Variants in GAREM1 observed in about 807,000 individuals in gnomAD.
GAREM1 encodes the protein GRB2-associated and regulator of MAPK protein 1.
GAREM1 carries 26 observed loss-of-function variants against 71.3 expected under a neutral mutation model. The observed-to-expected ratio is 0.36, with a 90% CI of 0.27 to 0.51. GAREM1 has a LOEUF of 0.51. Among genes scored for constraint, GAREM1 ranks in the 20% least tolerant of loss-of-function variants. The pLI is 0.95. For synonymous variants in GAREM1, 440 were observed against 433.2 expected (o/e 1.02, Z -0.20); for missense variants, 1,026 against 1,103.1 (o/e 0.93, Z 0.99).
intron 2 of GAREM1, among the ~76,000 whole-genome samples, chr18:32,384,189 G>A (rs953852978): frequency 6.6e-6 from 1 of 152,122 alleles, no homozygotes. Context: ...GGAGCAATCA[G>A]GTTTCCATAA....
At chr18:32,314,620 G>T (rs1317512729) in intron 2 of GAREM1, among the ~76,000 whole-genome samples, 6 of 147,458 alleles carry the variant, frequency 4.1e-5, no homozygotes, top group African/African-American at 1.5e-4. Flanking sequence ...ACGGAGTCTC[G>T]CTCTGTCTCC....
At chr18:32,311,405 A>G (rs923875681) in intron 2 of GAREM1, among the ~76,000 whole-genome samples, 4 of 152,236 alleles carry the variant, frequency 2.6e-5, no homozygotes, top group South Asian at 2.1e-4. Flanking sequence ...CTGGAGATCC[A>G]TCAATTAATG....
chr18:32,317,687 G>A (rs552806751), intron 2 of GAREM1, among the ~76,000 whole-genome samples: 8 of 146,688 alleles, frequency 5.5e-5, no homozygotes, highest in African/African-American at 1.5e-4. Context: ...CTTTTATTTC[G>A]CTGTTGCTTT....
intron 4 of GAREM1, among the ~76,000 whole-genome samples, chr18:32,277,305 G>A (rs1009400662): frequency 3.3e-5 from 5 of 152,170 alleles, no homozygotes; most frequent in East Asian, 1.9e-4. Context: ...GCCTGGGTAC[G>A]TATATGCATG....
chr18:32,379,229 G>A (rs915173735), intron 2 of GAREM1, among the ~76,000 whole-genome samples: 1 of 152,032 alleles, frequency 6.6e-6, no homozygotes, highest in Non-Finnish European at 1.5e-5. Context: ...TGTCTTAACT[G>A]CCACACTGCC....
intron 2 of GAREM1, among the ~76,000 whole-genome samples, chr18:32,312,702 C>T (rs1418763550): frequency 1.3e-5 from 2 of 152,174 alleles, no homozygotes; most frequent in Non-Finnish European, 2.9e-5. Flanking sequence ...AAGAAACAAG[C>T]ATGCTTGCAT....
rs116290934 is a variant in GAREM1 at position 32,373,152 on chromosome 18, G to A, written c.262+19743C>T. Among the ~76,000 whole-genome samples, 993 of 152,182 alleles carry A rather than the reference G, an allele frequency of 6.5e-3. 12 individuals carry two copies. Among genetic ancestry groups the A allele is most frequent in the African/African-American group, 0.02 (832 of 41,512 alleles). ...AATATCTAATTTTTTATTTTTAAATGGAGAATGAAAAACTAAATAGTCAAA... is the reference window on the plus strand; with the variant it reads ...AATATCTAATTTTTTATTTTTAAATAGAGAATGAAAAACTAAATAGTCAAA... On this transcript the variant is annotated intron_variant, in intron 2 of 5. Coordinates refer to ENST00000269209, the MANE Select transcript of GAREM1 (RefSeq NM_001242409.2).
intron 2 of GAREM1, among the ~76,000 whole-genome samples, chr18:32,375,737 G>C (rs2048024884): frequency 6.6e-6 from 1 of 152,114 alleles, no homozygotes; most frequent in East Asian, 1.9e-4. Context: ...AAAGACAATA[G>C]GATCTGCCTG....
At chr18:32,359,458 A>G (rs112216824) in intron 2 of GAREM1, among the ~76,000 whole-genome samples, 102 of 152,326 alleles carry the variant, frequency 6.7e-4, no homozygotes, top group African/African-American at 2.2e-3. Context: ...AATTCAGTTT[A>G]TACTATACAG....
intron 1 of GAREM1, among the ~76,000 whole-genome samples, chr18:32,450,921 A>G (rs2048831252): frequency 6.6e-6 from 1 of 152,136 alleles, no homozygotes; most frequent in African/African-American, 2.4e-5. Flanking sequence ...AGGCTGAGGC[A>G]GAACTGCTTG....
intron 4 of GAREM1, among the ~76,000 whole-genome samples, chr18:32,270,907 T>TTTG (rs1285072470): frequency 7.0e-6 from 1 of 142,760 alleles, no homozygotes; most frequent in Non-Finnish European, 1.5e-5. Flanking sequence ...GTTTTTTTTT[T>TTTG]TTTTTTTTTT....
At chr18:32,393,639 A>C (rs1477285860) in intron 1 of GAREM1, among the ~76,000 whole-genome samples, 1 of 152,200 alleles carries the variant, frequency 6.6e-6, no homozygotes, top group East Asian at 1.9e-4. Context: ...TTTAAATTTT[A>C]TGTTTGCCAA....
intron 1 of GAREM1, among the ~76,000 whole-genome samples, chr18:32,449,979 T>C (rs2048819675): frequency 1.3e-5 from 2 of 152,080 alleles, no homozygotes; most frequent in Admixed American, 1.3e-4. Context: ...TTAAAAAGAA[T>C]GGACAGAAAA....
intron 4 of GAREM1, among the ~76,000 whole-genome samples, chr18:32,282,454 G>A (rs1205766732): frequency 6.6e-6 from 1 of 152,156 alleles, no homozygotes; most frequent in Admixed American, 6.5e-5. Flanking sequence ...GGAGAACACT[G>A]ATCACTGGGT....
At chr18:32,390,131 A>G (rs1170566178) in intron 2 of GAREM1, among the ~76,000 whole-genome samples, 1 of 152,188 alleles carries the variant, frequency 6.6e-6, no homozygotes, top group African/African-American at 2.4e-5. Context: ...TGAACACACC[A>G]CTGCATTCTG....
Position 32,283,177 on chromosome 18 carries a change from C to T in GAREM1, c.1566+3854G>A, listed in dbSNP as rs551562272. ...TGAACCAGGAACTGTTTACTTTTCCCTGGGACATTCCCGTGAGGAAGAGAA... is the reference window on the plus strand; with the variant it reads ...TGAACCAGGAACTGTTTACTTTTCCTTGGGACATTCCCGTGAGGAAGAGAA... On this transcript the variant is annotated intron_variant, in intron 4 of 5. Coordinates refer to ENST00000269209, the MANE Select transcript of GAREM1 (RefSeq NM_001242409.2). Among the ~76,000 whole-genome samples the T allele has an allele frequency of 1.5e-4, 23 of 152,310 alleles. No homozygotes were observed. In the South Asian group the frequency reaches 4.4e-3, roughly 29 times the overall value.
chr18:32,422,974 T>C (rs1599037096), intron 1 of GAREM1, among the ~76,000 whole-genome samples: 2 of 152,200 alleles, frequency 1.3e-5, no homozygotes, highest in East Asian at 1.9e-4. Context: ...CATTATACCA[T>C]CTGAGAGGGA....
At chr18:32,379,655 A>G (rs1318308768) in intron 2 of GAREM1, among the ~76,000 whole-genome samples, 1 of 151,922 alleles carries the variant, frequency 6.6e-6, no homozygotes, top group Non-Finnish European at 1.5e-5. Flanking sequence ...CAGTGAGCCA[A>G]GATCACACCA....
chr18:32,459,199 T>C (rs764927491), intron 1 of GAREM1, among the ~76,000 whole-genome samples: 10 of 152,162 alleles, frequency 6.6e-5, no homozygotes, highest in Admixed American at 1.3e-4. Context: ...CATGCCTGCA[T>C]AATAGCAAAA....
Sources: allele counts gnomAD v4.1 joint callset (sites outside exome capture counted in the v4.1 genomes callset), GRCh38; gene constraint gnomAD v4.1.1; transcripts MANE v1.5; gene names NCBI Gene and HGNC (gene_info 2026-07-23, HGNC 2026-07-21).